The following SERINC5 variants were observed in gnomAD, a reference collection of about 807,000 sequenced individuals.
SERINC5 encodes the protein chromosome 5 open reading frame 12.
In SERINC5, 41 loss-of-function variants were observed where a neutral mutation model predicts 63.1. That is an observed-to-expected ratio of 0.65 (90% confidence interval 0.51 to 0.84). The LOEUF is 0.84. Ranked by LOEUF, SERINC5 falls within the 40% of genes least tolerant of loss-of-function variation. The pLI is 0.00. For missense variants in SERINC5, 523 were observed against 573.0 expected (o/e 0.91, Z 0.89); for synonymous variants, 222 against 215.2 (o/e 1.03, Z -0.28).
At chr5:80,197,220 G>A (rs1020318937) in intron 2 of SERINC5, among the ~76,000 whole-genome samples, 2 of 151,884 alleles carry the variant, frequency 1.3e-5, no homozygotes, top group African/African-American at 4.8e-5. Context: ...ATGGTGGCAG[G>A]CACCTGTAAT....
At chr5:80,172,531 A>G (rs1402269185) in intron 5 of SERINC5, among the ~76,000 whole-genome samples, 1 of 152,168 alleles carries the variant, frequency 6.6e-6, no homozygotes, top group Non-Finnish European at 1.5e-5. Flanking sequence ...CCCAGCTAAA[A>G]TGTTTTAATG....
At chr5:80,147,461 A>G (rs567159023) in intron 9 of SERINC5, among the ~76,000 whole-genome samples, 177 bp from the exon 10 acceptor site, 2 of 152,270 alleles carry the variant, frequency 1.3e-5, no homozygotes, top group East Asian at 3.9e-4. Flanking sequence ...GATGTGCCAC[A>G]GAGATCCTCA....
intron 1 of SERINC5, 185 bp from the exon 2 acceptor site, chr5:80,203,238 CTA>C: frequency 1.9e-6 from 1 of 517,090 alleles, no homozygotes; most frequent in South Asian, 1.9e-5. Flanking sequence ...GAACCTGTCT[CTA>C]AATAAATATA....
chr5:80,238,441 AG>A (rs926515111), intron 1 of SERINC5, among the ~76,000 whole-genome samples: 39 of 152,294 alleles, frequency 2.6e-4, no homozygotes, highest in African/African-American at 8.7e-4. Context: ...AAGAGAAGGA[AG>A]GGAACAAAAA....
chr5:80,187,824 G>A (rs1748914024), intron 2 of SERINC5, among the ~76,000 whole-genome samples: 1 of 152,128 alleles, frequency 6.6e-6, no homozygotes, highest in African/African-American at 2.4e-5. Context: ...TCACAGATAG[G>A]ATTAAGCAGC....
chr5:80,146,031 ACTTAACT>A (rs1745800120), intron 11 of SERINC5, 52 bp downstream of exon 11: 10 of 1,575,720 alleles, frequency 6.3e-6, no homozygotes, highest in African/African-American at 1.3e-5. Context: ...CACGAACAGT[ACTTAACT>A]CTTAACTTTA....
chr5:80,141,612 A>C lies in SERINC5; in HGVS notation c.*2051T>G, dbSNP rs528245316. ...CTTCCCCTCAGGGTGTTTCCTAAAG[A>C]CAACCCCCAAGGCCCTAGGCCACTG... On this transcript the variant is annotated 3_prime_UTR_variant, in exon 12 of 12. Transcript: ENST00000507668. 22 of 985,464 alleles carry C rather than the reference A, an allele frequency of 2.2e-5. No individual in the cohort carries two copies. The African/African-American group carries it at 2.6e-4, about 12-fold the overall frequency. 61.0% of individuals were successfully genotyped at this position (985,464 alleles called of 1,614,324 possible).
rs551670067 is a variant in SERINC5 at position 80,171,362 on chromosome 5, C to T, written c.552-1816G>A. ...TTTTAAAAACAGAAACAAAGTGTTGCCAGCAGCTCTGATGCCATCTTCTTA... is the reference window on the plus strand; with the variant it reads ...TTTTAAAAACAGAAACAAAGTGTTGTCAGCAGCTCTGATGCCATCTTCTTA... On this transcript the variant is annotated intron_variant, in intron 5 of 11. Coordinates refer to ENST00000507668, the MANE Select transcript of SERINC5 (RefSeq NM_001174072.3). 4.6e-5 allele frequency among the ~76,000 whole-genome samples: 7 copies of T among 152,188 alleles called. No individual in the cohort carries two copies. The South Asian group carries it at 1.5e-3, about 32-fold the overall frequency.
chr5:80,232,770 G>A (rs1395364958), intron 1 of SERINC5, among the ~76,000 whole-genome samples: 6 of 151,344 alleles, frequency 4.0e-5, no homozygotes, highest in African/African-American at 7.3e-5. Flanking sequence ...GTGACAGAGC[G>A]AAACTCCATC....
downstream of SERINC5, among the ~76,000 whole-genome samples, chr5:80,136,086 G>A (rs1257585009): frequency 5.9e-5 from 9 of 152,060 alleles, no homozygotes; most frequent in Middle Eastern, 3.2e-3. Context: ...TTAAGTGCCC[G>A]GTGTGGTGGC....
At chr5:80,188,853 A>G (rs1005255525) in intron 2 of SERINC5, among the ~76,000 whole-genome samples, 2 of 152,130 alleles carry the variant, frequency 1.3e-5, no homozygotes, top group Admixed American at 6.6e-5. Flanking sequence ...ACTTCAGCCC[A>G]GAAGGTTGAG....
intron 2 of SERINC5, among the ~76,000 whole-genome samples, chr5:80,193,551 A>C (rs921880183): frequency 6.6e-6 from 1 of 152,212 alleles, no homozygotes; most frequent in East Asian, 1.9e-4. Flanking sequence ...GTGCTCCCGC[A>C]AACGTGCAGG....
intron 1 of SERINC5, among the ~76,000 whole-genome samples, chr5:80,248,968 T>C (rs1462075378): frequency 6.6e-6 from 1 of 152,230 alleles, no homozygotes. Context: ...CCCAAACCTC[T>C]TAATGCAAAA....
chr5:80,192,876 G>A (rs927448523), intron 2 of SERINC5, among the ~76,000 whole-genome samples: 2 of 152,188 alleles, frequency 1.3e-5, no homozygotes, highest in Non-Finnish European at 2.9e-5. Context: ...TGACTCCGAA[G>A]GTCAGCCGAG....
chr5:80,119,856 C>A (rs1433833071), intron 11 of SERINC5, among the ~76,000 whole-genome samples: 1 of 152,122 alleles, frequency 6.6e-6, no homozygotes, highest in Non-Finnish European at 1.5e-5. Context: ...TTTAAATAAC[C>A]CCCTTTGGTA....
intron 2 of SERINC5, among the ~76,000 whole-genome samples, chr5:80,198,871 A>G (rs1219554459): frequency 1.3e-5 from 2 of 152,218 alleles, no homozygotes; most frequent in African/African-American, 2.4e-5. Context: ...GTAAATAGGT[A>G]CATTCAGGGG....
intron 3 of SERINC5, 103 bp from the exon 4 acceptor site, chr5:80,177,500 T>C (rs1378277273): frequency 1.1e-5 from 10 of 886,502 alleles, no homozygotes; most frequent in African/African-American, 1.7e-5. Context: ...GATTCTGCCA[T>C]TGGCCAATGT....
At chr5:80,193,395 C>T (rs778798805) in intron 2 of SERINC5, among the ~76,000 whole-genome samples, 1 of 152,122 alleles carries the variant, frequency 6.6e-6, no homozygotes, top group Non-Finnish European at 1.5e-5. Context: ...CAGGCTACTC[C>T]GAGGCCCTGT....
Position 80,141,653 on chromosome 5 carries a change from G to A in SERINC5, c.*2010C>T, listed in dbSNP as rs1745515677. 2 of 985,574 alleles carry A rather than the reference G, an allele frequency of 2.0e-6. No homozygotes were observed. 61.1% of individuals were successfully genotyped at this position (985,574 alleles called of 1,614,324 possible). A position where few individuals can be genotyped will look rare whatever the true frequency, so the allele number is the denominator to read the frequency against. On this transcript the variant is annotated 3_prime_UTR_variant, in exon 12 of 12. Coordinates refer to ENST00000507668, the MANE Select transcript of SERINC5 (RefSeq NM_001174072.3). ...TAGGCCACTGCAACACAGCTACTGTGTGTGACACGCAGCCCCACTCCCTGA... is the reference window on the plus strand; with the variant it reads ...TAGGCCACTGCAACACAGCTACTGTATGTGACACGCAGCCCCACTCCCTGA...
Sources: gnomAD v4.1 joint callset for allele counts (sites outside exome capture counted in the v4.1 genomes callset) on GRCh38, gnomAD v4.1.1 for gene constraint, MANE v1.5 for transcripts, NCBI Gene and HGNC (gene_info 2026-07-23, HGNC 2026-07-21) for gene names.